PAG1: variants seen among roughly 807,000 people sequenced by gnomAD.
The protein encoded by PAG1 is phosphoprotein membrane anchor with glycosphingolipid microdomains 1, also known as phosphoprotein associated with glycosphingolipid-enriched microdomains 1.
Under a neutral mutation model 31.7 loss-of-function variants are expected in PAG1, and 23 were observed. The observed-to-expected ratio is 0.73, with a 90% CI of 0.52 to 1.03. The LOEUF (loss-of-function observed/expected upper bound fraction) is 1.03, where lower values mean the gene tolerates loss of function less well. PAG1 is among the 50% of genes least tolerant of loss of function. PAG1 has a pLI of 0.00. For synonymous variants in PAG1, 214 were observed against 210.3 expected, an observed-to-expected ratio of 1.02 and a Z score of -0.15; for missense variants, 473 against 540.7, an observed-to-expected ratio of 0.87 and a Z score of 1.24.
chr8:80,976,661 G>T lies in PAG1; in HGVS notation c.1182C>A (p.Asn394Lys), dbSNP rs754075164. The change falls in exon 9 of 9, where the codon AAC becomes AAA. Residue 394 changes from asparagine to lysine, a missense_variant. Physicochemically the swap from Asn to Lys is moderately conservative, Grantham distance 94 (BLOSUM62 0). Coordinates refer to ENST00000220597, the MANE Select transcript of PAG1 (RefSeq NM_018440.4). The part of the protein sequence containing the change: ...EPDYEAIQTL[N>K]REEEKATLGT... ...CCAGGGTGGCCTTTTCTTCCTCTCT[G>T]TTGAGAGTCTGTATCGCTTCATAAT... 4.3e-6 allele frequency: 7 copies of T among 1,614,036 alleles called. No individual in the cohort carries two copies. The highest frequency in any genetic ancestry group is 5.9e-6 in the Non-Finnish European group (7 of 1,180,030).
chr8:81,094,520 TG>T (rs1458703518), intron 1 of PAG1, among the ~76,000 whole-genome samples: 1 of 152,202 alleles, frequency 6.6e-6, no homozygotes, highest in Non-Finnish European at 1.5e-5. Flanking sequence ...TCTAGGTCTA[TG>T]GGTGATAAAA....
chr8:81,063,183 C>T (rs1045224795), intron 2 of PAG1, among the ~76,000 whole-genome samples: 1 of 152,176 alleles, frequency 6.6e-6, no homozygotes, highest in Non-Finnish European at 1.5e-5. Context: ...TTCCAGCCTG[C>T]GTGGGTCTCC....
intron 1 of PAG1, among the ~76,000 whole-genome samples, chr8:81,072,053 T>G (rs1178812921): frequency 6.6e-6 from 1 of 152,178 alleles, no homozygotes; most frequent in East Asian, 1.9e-4. Flanking sequence ...CACTGAGATG[T>G]GTGCTCCTTC....
At chr8:81,046,903 T>C (rs963179138) in intron 2 of PAG1, among the ~76,000 whole-genome samples, 1 of 152,134 alleles carries the variant, frequency 6.6e-6, no homozygotes, top group Admixed American at 6.6e-5. Flanking sequence ...ATCCATGTGT[T>C]CTTATTATTC....
chr8:81,012,273 C>T (rs913403950), intron 3 of PAG1, among the ~76,000 whole-genome samples: 8 of 152,188 alleles, frequency 5.3e-5, no homozygotes, highest in African/African-American at 1.9e-4. Context: ...TTGGGCACTA[C>T]CACTATTTTG....
chr8:80,981,568 T>C (rs1807301005), intron 7 of PAG1, among the ~76,000 whole-genome samples: 2 of 152,248 alleles, frequency 1.3e-5, no homozygotes, highest in South Asian at 2.1e-4. Context: ...CTAAGAAAAC[T>C]GAAGGAATCA....
intron 8 of PAG1, among the ~76,000 whole-genome samples, 157 bp downstream of exon 8, chr8:80,980,278 C>A (rs1807271574): frequency 6.6e-6 from 1 of 152,192 alleles, no homozygotes; most frequent in African/African-American, 2.4e-5. Context: ...TCTCTCCAAG[C>A]CATTATAAAA....
chr8:80,999,632 C>A (rs532989119), intron 3 of PAG1, among the ~76,000 whole-genome samples: 1 of 152,318 alleles, frequency 6.6e-6, no homozygotes, highest in Non-Finnish European at 1.5e-5. Flanking sequence ...ACTTTTTGTA[C>A]ACACCAAACC....
chr8:81,019,385 T>A (rs1808123982), intron 3 of PAG1, among the ~76,000 whole-genome samples: 1 of 152,150 alleles, frequency 6.6e-6, no homozygotes, highest in South Asian at 2.1e-4. Flanking sequence ...CAGCAGCCCC[T>A]CCCATCACAG....
intron 7 of PAG1, among the ~76,000 whole-genome samples, chr8:80,980,859 A>C (rs117844520): frequency 0.019 from 2,840 of 152,318 alleles, 41 homozygotes; most frequent in Non-Finnish European, 0.024. Context: ...CCTGAATTTT[A>C]TACTTCTACA....
At chr8:81,070,997 C>G (rs988331653) in intron 1 of PAG1, among the ~76,000 whole-genome samples, 6 of 152,110 alleles carry the variant, frequency 3.9e-5, no homozygotes, top group Admixed American at 3.9e-4. Flanking sequence ...CTGGGGGAAA[C>G]TGGTGCCTCC....
Position 80,976,856 on chromosome 8 carries a change from T to C in PAG1, c.987A>G (p.Lys329=). 2 of 1,613,654 alleles carry C rather than the reference T, an allele frequency of 1.2e-6. No individual in the cohort carries two copies. Among genetic ancestry groups the C allele is most frequent in the Non-Finnish European group, 1.7e-6 (2 of 1,179,600 alleles). ...CCGGAACTGTAAGCGACTGCCCCGATTTATTCACTAACTGTCCAGGTTTAT... is the reference window on the plus strand; with the variant it reads ...CCGGAACTGTAAGCGACTGCCCCGACTTATTCACTAACTGTCCAGGTTTAT... ...SVNKPGQLVN[K]SGQSLTVPES... is the part of the protein sequence containing the mutation. The change falls in exon 9 of 9, where the codon AAA becomes AAG. Residue 329 remains lysine (K), a synonymous_variant. Transcript: ENST00000220597.
At chr8:81,092,365 C>A (rs922394171) in intron 1 of PAG1, among the ~76,000 whole-genome samples, 2 of 152,000 alleles carry the variant, frequency 1.3e-5, no homozygotes, top group Admixed American at 6.6e-5. Flanking sequence ...GTGCAGGTGA[C>A]AAAGCAAGAC....
intron 3 of PAG1, among the ~76,000 whole-genome samples, chr8:81,018,513 T>C (rs1808109213): frequency 6.6e-6 from 1 of 152,228 alleles, no homozygotes; most frequent in Admixed American, 6.5e-5. Context: ...TTCCCACATG[T>C]TGTGGGAGGG....
rs1478733055 is a variant in PAG1 at position 80,984,934 on chromosome 8, C to T, written c.718G>A (p.Val240Ile). 6.2e-7 allele frequency: 1 copy of T among 1,614,172 alleles called. No individual in the cohort carries two copies. Among genetic ancestry groups the T allele is most frequent in the Non-Finnish European group, 8.5e-7 (1 of 1,180,022 alleles). ...TTTCCAAGGATACTCTCTACATTAA[C>T]ACTTTGACGACATTTTTTGTTTCTG... ...VDRNKKCRQS[V>I]NVESILGNSC... Residue 240 changes from valine to isoleucine, a missense_variant, in exon 7 of 9, where the codon GTT becomes ATT. Coordinates refer to ENST00000220597, the MANE Select transcript of PAG1 (RefSeq NM_018440.4).
intron 3 of PAG1, among the ~76,000 whole-genome samples, chr8:81,017,926 A>C (rs1808099989): frequency 6.6e-6 from 1 of 152,244 alleles, no homozygotes; most frequent in African/African-American, 2.4e-5. Flanking sequence ...TCTACTAGTC[A>C]AATAATTATG....
At chr8:81,072,696 A>G (rs1046581353) in intron 1 of PAG1, among the ~76,000 whole-genome samples, 5 of 152,222 alleles carry the variant, frequency 3.3e-5, no homozygotes, top group Non-Finnish European at 7.3e-5. Flanking sequence ...GAGTGAGGGC[A>G]TCTCTTAAAC....
At chr8:81,078,587 T>C (rs1442938646) in intron 1 of PAG1, among the ~76,000 whole-genome samples, 2 of 152,180 alleles carry the variant, frequency 1.3e-5, no homozygotes, top group African/African-American at 2.4e-5. Context: ...CAATCCTTCA[T>C]CCTTGCTTAT....
At chr8:81,098,252 G>A (rs572707058) in intron 1 of PAG1, among the ~76,000 whole-genome samples, 26 of 152,252 alleles carry the variant, frequency 1.7e-4, no homozygotes, top group African/African-American at 5.3e-4. Flanking sequence ...GCTTGCTAAG[G>A]ACCATTAGGC....
Sources: gnomAD v4.1 joint callset for allele counts (sites outside exome capture counted in the v4.1 genomes callset) on GRCh38, gnomAD v4.1.1 for gene constraint, MANE v1.5 for transcripts, NCBI Gene and HGNC (gene_info 2026-07-23, HGNC 2026-07-21) for gene names.